GLIS3: variants seen among roughly 807,000 people sequenced by gnomAD.
GLIS3 encodes zinc finger protein GLIS3.
GLIS3 carries 53 observed loss-of-function variants against 78.6 expected under a neutral mutation model. That is an observed-to-expected ratio of 0.67 (90% CI 0.54 to 0.85). The LOEUF is 0.85. Ranked by LOEUF, GLIS3 falls within the 40% of genes least tolerant of loss-of-function variation. The probability of loss-of-function intolerance (pLI) is 0.00; values close to 1 mark genes in which losing one functional copy is unlikely to be tolerated. For missense variants in GLIS3, 1,703 were observed against 1,231.1 expected (o/e 1.38, Z -5.74); for synonymous variants, 684 against 509.9 (o/e 1.34, Z -4.60).
intron 8 of GLIS3, among the ~76,000 whole-genome samples, chr9:3,862,083 C>G (rs1459955854): frequency 6.6e-6 from 1 of 152,066 alleles, no homozygotes; most frequent in Admixed American, 6.5e-5. Context: ...CCTGAGTCCA[C>G]AAATTCATAC....
intron 4 of GLIS3, among the ~76,000 whole-genome samples, chr9:4,012,765 CTTTTTTTTTTTTTTTTTT>C (rs71324278): frequency 1.5e-5 from 1 of 66,476 alleles, no homozygotes; most frequent in African/African-American, 5.5e-5. Context: ...TTTTCTTTTT[CTTTTTTTTTTTTTTTTTT>C]TTTTTTGAGA....
chr9:4,357,418 G>T, the GLIS3 span, among the ~76,000 whole-genome samples: 2 of 152,140 alleles, frequency 1.3e-5, no homozygotes, highest in African/African-American at 4.8e-5. Flanking sequence ...CTTGCCTTCA[G>T]TTTGGACTAG....
intron 2 of GLIS3, among the ~76,000 whole-genome samples, chr9:4,255,921 G>A (rs1824890892): frequency 6.6e-6 from 1 of 152,168 alleles, no homozygotes; most frequent in Non-Finnish European, 1.5e-5. Context: ...TACTCTGTGG[G>A]GATGTTGATA....
Position 3,828,269 on chromosome 9 carries a change from CT to C in GLIS3, c.*2del. On this transcript the variant is annotated 3_prime_UTR_variant, in exon 11 of 11. Transcript: ENST00000381971. ...GGGTGTGCAGGAGTGGCCAAGAGAG[CT>C]TTTAGCCTTCGGTGTAGACAGAGGA... 2 of 1,614,028 alleles carry C rather than the reference CT, an allele frequency of 1.2e-6. No individual in the cohort carries two copies. The highest frequency in any genetic ancestry group is 1.7e-6 in the Non-Finnish European group (2 of 1,180,012).
At chr9:4,288,639 A>G (rs1336618503) in intron 1 of GLIS3, among the ~76,000 whole-genome samples, 1 of 152,226 alleles carries the variant, frequency 6.6e-6, no homozygotes, top group Non-Finnish European at 1.5e-5. Context: ...AACTTAATTA[A>G]GTATCAGGCA....
intron 4 of GLIS3, among the ~76,000 whole-genome samples, chr9:4,110,118 C>T (rs1831092923): frequency 6.6e-6 from 1 of 152,164 alleles, no homozygotes; most frequent in Non-Finnish European, 1.5e-5. Flanking sequence ...ATGGCTTGCA[C>T]TCAGTGATCA....
intron 9 of GLIS3, among the ~76,000 whole-genome samples, chr9:3,847,119 G>A (rs573729153): frequency 6.6e-6 from 1 of 152,182 alleles, no homozygotes; most frequent in East Asian, 1.9e-4. Flanking sequence ...GGGAGGCAGA[G>A]GTTGCAGTGA....
At chr9:4,032,936 C>G (rs912471289) in intron 4 of GLIS3, among the ~76,000 whole-genome samples, 1 of 152,008 alleles carries the variant, frequency 6.6e-6, no homozygotes, top group African/African-American at 2.4e-5. Flanking sequence ...TCACTGCAAG[C>G]TCCGCCTCCC....
chr9:3,947,460 AATATGTGCAT>A (rs1188827818), intron 4 of GLIS3, among the ~76,000 whole-genome samples: 1 of 152,250 alleles, frequency 6.6e-6, no homozygotes, highest in African/African-American at 2.4e-5. Context: ...CATAGGTGCA[AATATGTGCAT>A]ATGCATTTGT....
At chr9:4,240,663 C>T (rs779254005) in intron 2 of GLIS3, among the ~76,000 whole-genome samples, 1 of 152,140 alleles carries the variant, frequency 6.6e-6, no homozygotes, top group Non-Finnish European at 1.5e-5. Flanking sequence ...AATTCAAATA[C>T]AAGTTGGAAT....
intron 2 of GLIS3, among the ~76,000 whole-genome samples, chr9:4,130,708 G>C (rs920088150): frequency 7.2e-5 from 11 of 152,232 alleles, no homozygotes; most frequent in Admixed American, 4.6e-4. Flanking sequence ...GCCTGCTGCA[G>C]GGGTAGAGGC....
At chr9:4,029,725 G>A (rs1325010575) in intron 4 of GLIS3, among the ~76,000 whole-genome samples, 3 of 152,002 alleles carry the variant, frequency 2.0e-5, no homozygotes, top group Non-Finnish European at 4.4e-5. Context: ...TCTGTGCCTG[G>A]CTTATTTCAC....
At chr9:4,413,232 A>C in the GLIS3 span, among the ~76,000 whole-genome samples, 3 of 152,200 alleles carry the variant, frequency 2.0e-5, no homozygotes, top group South Asian at 2.1e-4. Flanking sequence ...CACAATCCCA[A>C]ATCAGGGTTG....
chr9:3,966,714 G>A (rs1817960091), intron 4 of GLIS3, among the ~76,000 whole-genome samples: 1 of 151,228 alleles, frequency 6.6e-6, no homozygotes, highest in Non-Finnish European at 1.5e-5. Flanking sequence ...GAATCACTTA[G>A]AACCCGGGAG....
At chr9:3,839,122 A>G (rs1027485314) in intron 9 of GLIS3, among the ~76,000 whole-genome samples, 2 of 152,206 alleles carry the variant, frequency 1.3e-5, no homozygotes, top group African/African-American at 4.8e-5. Flanking sequence ...TTGTCCTGTA[A>G]GCAGGTACTT....
At chr9:4,117,360 T>C (rs1351926219) in intron 4 of GLIS3, among the ~76,000 whole-genome samples, 2 of 152,176 alleles carry the variant, frequency 1.3e-5, no homozygotes, top group Admixed American at 6.5e-5. Flanking sequence ...ATCCCAATTC[T>C]AGCCCGGTTA....
intron 4 of GLIS3, among the ~76,000 whole-genome samples, chr9:4,058,935 T>C (rs1006276774): frequency 6.6e-6 from 1 of 151,354 alleles, no homozygotes; most frequent in Non-Finnish European, 1.5e-5. Flanking sequence ...TGAGCCAAGA[T>C]TGCGCCACTG....
intron 5 of GLIS3, among the ~76,000 whole-genome samples, chr9:3,933,183 T>G (rs1825718355): frequency 6.8e-6 from 1 of 147,900 alleles, no homozygotes; most frequent in African/African-American, 2.5e-5. Flanking sequence ...TCTAGCCTCT[T>G]TTTTTTTTTT....
chr9:4,243,451 T>G (rs1205873075), intron 2 of GLIS3, among the ~76,000 whole-genome samples: 2 of 152,114 alleles, frequency 1.3e-5, no homozygotes, highest in Admixed American at 1.3e-4. Context: ...ACACATTTAG[T>G]ACTAACACCA....
Sources: gnomAD v4.1 joint callset for allele counts (sites outside exome capture counted in the v4.1 genomes callset) on GRCh38, gnomAD v4.1.1 for gene constraint, MANE v1.5 for transcripts, NCBI Gene and HGNC (gene_info 2026-07-23, HGNC 2026-07-21) for gene names.